BMP8B: variants seen among roughly 807,000 people sequenced by gnomAD.
The protein encoded by BMP8B is bone morphogenetic protein 8 (osteogenic protein 2).
A neutral mutation model predicts 30.3 loss-of-function variants in BMP8B; 17 were observed. The observed-to-expected ratio is 0.56, with a 90% CI of 0.38 to 0.84. The LOEUF (loss-of-function observed/expected upper bound fraction) is 0.84. Among genes scored for constraint, BMP8B ranks in the 40% least tolerant of loss-of-function variants. BMP8B has a pLI of 0.00. For synonymous variants in BMP8B, 131 were observed against 214.7 expected (o/e 0.61, Z 3.41); for missense variants, 253 against 494.6 (o/e 0.51, Z 4.63).
At chr1:39,781,312 C>T (rs7515481) in intron 1 of BMP8B, among the ~76,000 whole-genome samples, 4,925 of 152,330 alleles carry the variant, frequency 0.032, 261 homozygotes, top group African/African-American at 0.11. Context: ...ACGGCTGCTA[C>T]TCAAGATAGA....
rs973925947 is a variant in BMP8B at position 39,757,986 on chromosome 1, C to A, written c.*2433G>T. 3.3e-5 allele frequency: 5 copies of A among 152,180 alleles called. No individual in the cohort carries two copies. Among genetic ancestry groups the A allele is most frequent in the African/African-American group, 1.2e-4 (5 of 41,440 alleles). The allele number at this position is 152,180 out of a possible 1,614,324, so 9.4% of individuals were successfully genotyped here. A position where few individuals can be genotyped will look rare whatever the true frequency, so the allele number is the denominator to read the frequency against. On this transcript the variant is annotated 3_prime_UTR_variant, in exon 7 of 7. Coordinates refer to ENST00000372827, the MANE Select transcript of BMP8B (RefSeq NM_001720.5). ...GGAGGATCACGGCTCGTATTGGTTC[C>A]TGCTATGCACAGCTTGATTAATGGG...
intron 1 of BMP8B, among the ~76,000 whole-genome samples, chr1:39,781,786 T>C (rs1021963199): frequency 5.9e-5 from 9 of 152,194 alleles, no homozygotes; most frequent in East Asian, 1.9e-4. Flanking sequence ...GGTACTGCCA[T>C]AGACCAGCTG....
chr1:39,769,881 C>G (rs373490630), intron 3 of BMP8B: 3 of 1,608,644 alleles, frequency 1.9e-6, no homozygotes, highest in Admixed American at 1.7e-5. Context: ...CACCGCTTCC[C>G]GGTCAGCGGC....
At chr1:39,781,077 T>G (rs115226905) in intron 1 of BMP8B, among the ~76,000 whole-genome samples, 6,173 of 152,318 alleles carry the variant, frequency 0.041, 182 homozygotes, top group Middle Eastern at 0.16. Flanking sequence ...TCTTTCTCAG[T>G]AAATGAGCAG....
chr1:39,761,763 C>T (rs942522041), intron 6 of BMP8B, among the ~76,000 whole-genome samples: 8 of 152,174 alleles, frequency 5.3e-5, no homozygotes, highest in African/African-American at 1.9e-4. Context: ...GTGGAGAGGC[C>T]AGGCCCAGTC....
At chr1:39,775,998 T>C (rs1650201815) in intron 1 of BMP8B, among the ~76,000 whole-genome samples, 1 of 152,292 alleles carries the variant, frequency 6.6e-6, no homozygotes, top group South Asian at 2.1e-4. Context: ...GTCAGCGATG[T>C]TGGGGACGGC....
In BMP8B at chr1:39,759,267, C is replaced by A. The variant is rs1008532832; in HGVS notation, c.*1152G>T. 6.6e-6 allele frequency: 1 copy of A among 152,478 alleles called. No individual in the cohort carries two copies. Among genetic ancestry groups the A allele is most frequent in the Non-Finnish European group, 1.5e-5 (1 of 68,184 alleles). The allele number at this position is 152,478 out of a possible 1,614,324, so 9.4% of individuals were successfully genotyped here. ...TTCTTTGACTCACAGGCCCAAGACA[C>A]AGGACAGGGCTGCTGGGCATCCAGG... On this transcript the variant is annotated 3_prime_UTR_variant, in exon 7 of 7. Coordinates refer to ENST00000372827, the MANE Select transcript of BMP8B (RefSeq NM_001720.5).
rs372975399 is a variant in BMP8B at position 39,759,946 on chromosome 1, C to T, written c.*473G>A. 40 of 175,250 alleles carry T rather than the reference C, an allele frequency of 2.3e-4. No homozygotes were observed. In the South Asian group the frequency reaches 5.0e-3, roughly 22 times the overall value. 10.9% of individuals were successfully genotyped at this position (175,250 alleles called of 1,614,324 possible). A position where few individuals can be genotyped will look rare whatever the true frequency, so the allele number is the denominator to read the frequency against. On this transcript the variant is annotated 3_prime_UTR_variant, in exon 7 of 7. Coordinates refer to ENST00000372827, the MANE Select transcript of BMP8B (RefSeq NM_001720.5). Reference sequence around the variant, plus strand: ...CAGTTTTATACCCCACCTTGCACCTCGGGCAGGCAATGGGGAGCCAACCAG... The same window carrying T: ...CAGTTTTATACCCCACCTTGCACCTTGGGCAGGCAATGGGGAGCCAACCAG...
In BMP8B at chr1:39,757,774, C is replaced by T. The variant is rs1648445397; in HGVS notation, c.*2645G>A. 1 of 152,226 alleles carries T rather than the reference C, an allele frequency of 6.6e-6. No individual in the cohort carries two copies. Among genetic ancestry groups the T allele is most frequent in the Admixed American group, 6.5e-5 (1 of 15,272 alleles). The allele number at this position is 152,226 out of a possible 1,614,324, so 9.4% of individuals were successfully genotyped here. A position where few individuals can be genotyped will look rare whatever the true frequency, so the allele number is the denominator to read the frequency against. ...GGGCCACCCACTGCAGATGCACATG[C>T]TTGGCTCAGCAAACGGATAAGGATT... On this transcript the variant is annotated 3_prime_UTR_variant, in exon 7 of 7. Coordinates refer to ENST00000372827, the MANE Select transcript of BMP8B (RefSeq NM_001720.5).
intron 6 of BMP8B, among the ~76,000 whole-genome samples, chr1:39,762,043 A>C (rs1046708329): frequency 6.6e-6 from 1 of 152,302 alleles, no homozygotes; most frequent in South Asian, 2.1e-4. Context: ...ACACGGCATA[A>C]AGGGTGGCTG....
intron 1 of BMP8B, among the ~76,000 whole-genome samples, chr1:39,786,805 G>A (rs533646461): frequency 2.0e-5 from 3 of 152,230 alleles, no homozygotes; most frequent in East Asian, 3.9e-4. Flanking sequence ...GGCACTGGGC[G>A]CTCAGTGATG....
chr1:39,759,782 A>G lies in BMP8B; in HGVS notation c.*637T>C, dbSNP rs1648692511. 1 of 152,342 alleles carries G rather than the reference A, an allele frequency of 6.6e-6. No individual in the cohort carries two copies. Among genetic ancestry groups the G allele is most frequent in the Non-Finnish European group, 1.5e-5 (1 of 68,114 alleles). The allele number at this position is 152,342 out of a possible 1,614,324, so 9.4% of individuals were successfully genotyped here. A position where few individuals can be genotyped will look rare whatever the true frequency, so the allele number is the denominator to read the frequency against. ...GAGGCAAATGCAAAGCAGGAAGACA[A>G]GGGAAGATAAATGCCATTGGCTTTA... On this transcript the variant is annotated 3_prime_UTR_variant, in exon 7 of 7. Transcript: ENST00000372827.
At position 39,757,352 on chromosome 1, in the gene BMP8B, T is replaced by C. The variant is rs560274282; in HGVS notation, c.*3067A>G. The C allele has an allele frequency of 6.6e-6, 1 of 152,366 alleles. No individual in the cohort carries two copies. The highest frequency in any genetic ancestry group is 1.9e-4 in the East Asian group (1 of 5,190). The allele number at this position is 152,366 out of a possible 1,614,324, so 9.4% of individuals were successfully genotyped here. A position where few individuals can be genotyped will look rare whatever the true frequency, so the allele number is the denominator to read the frequency against. ...AATAGCTTTGGGAGGAAAGAACCAA[T>C]ATCATACTCTACAAAGGAAGAAGCA... is the stretch of plus-strand genomic sequence containing the variant. On this transcript the variant is annotated 3_prime_UTR_variant, in exon 7 of 7. Transcript: ENST00000372827.
intron 1 of BMP8B, among the ~76,000 whole-genome samples, chr1:39,782,339 T>C (rs1650699964): frequency 6.6e-6 from 1 of 152,154 alleles, no homozygotes; most frequent in Non-Finnish European, 1.5e-5. Flanking sequence ...GGTCAGATTC[T>C]GGAGCTATGC....
chr1:39,785,801 A>G (rs1037803026), intron 1 of BMP8B, among the ~76,000 whole-genome samples: 8 of 152,092 alleles, frequency 5.3e-5, no homozygotes, highest in African/African-American at 1.9e-4. Context: ...TATGTGTCTA[A>G]TCCATGCCCC....
intron 1 of BMP8B, among the ~76,000 whole-genome samples, chr1:39,782,268 C>T (rs948781896): frequency 1.3e-5 from 2 of 152,024 alleles, no homozygotes; most frequent in African/African-American, 2.4e-5. Context: ...CTCTGGGAAG[C>T]CCCCCACAGC....
chr1:39,769,253 A>G (rs1284733628), intron 3 of BMP8B, among the ~76,000 whole-genome samples: 1 of 151,008 alleles, frequency 6.6e-6, no homozygotes, highest in African/African-American at 2.4e-5. Flanking sequence ...ATGTCTTCCA[A>G]TCACAAACTC....
chr1:39,769,188 AAAAAAAG>A (rs1013257119), intron 3 of BMP8B, among the ~76,000 whole-genome samples: 1 of 150,710 alleles, frequency 6.6e-6, no homozygotes, highest in African/African-American at 2.4e-5. Context: ...CCCTGCCTCA[AAAAAAAG>A]AAAAAAGAAA....
chr1:39,763,395 A>AGCCGGCCCTCCCCAGCCGGCCCTCCCCG (rs1214366342), intron 5 of BMP8B, among the ~76,000 whole-genome samples, 193 bp from the exon 6 acceptor site: 1 of 144,802 alleles, frequency 6.9e-6, no homozygotes, highest in Non-Finnish European at 1.5e-5. Flanking sequence ...TCCCCTCCCC[A>AGCCGGCCCTCCCCAGCCGGCCCTCCCCG]GCCGGCCCTC....
Sources: allele counts gnomAD v4.1 joint callset (sites outside exome capture counted in the v4.1 genomes callset), GRCh38; gene constraint gnomAD v4.1.1; transcripts MANE v1.5; gene names NCBI Gene and HGNC (gene_info 2026-07-23, HGNC 2026-07-21).